LEPR: variants seen among roughly 807,000 people sequenced by gnomAD.
The protein encoded by LEPR is OB receptor.
LEPR carries 56 observed loss-of-function variants against 114.7 expected under a neutral mutation model. That is an observed-to-expected ratio of 0.49 (90% CI 0.39 to 0.61). LEPR has a LOEUF of 0.61. Ranked by LOEUF, LEPR falls within the 20% of genes least tolerant of loss-of-function variation. The pLI, the probability that LEPR is intolerant of heterozygous loss-of-function variation, is 0.00. For missense variants in LEPR, 1,202 were observed against 1,352.9 expected (o/e 0.89, Z 1.75); for synonymous variants, 443 against 461.4 (o/e 0.96, Z 0.51).
At chr1:65,544,416 A>G (rs1651487591) in intron 2 of LEPR, among the ~76,000 whole-genome samples, 1 of 151,946 alleles carries the variant, frequency 6.6e-6, no homozygotes, top group African/African-American at 2.4e-5. Flanking sequence ...CTCTCTTCCT[A>G]TTTGAATACC....
rs761971251 is a variant in LEPR, at chr1:65,610,196, C to T, written c.1913-18C>T. ...AAGTATTTCTTCAAAAACATATACA[C>T]AACTTGTCATTTTGCAGTTCCTATG... On this transcript the variant is annotated intron_variant, in intron 13 of 19. Transcript: ENST00000349533. 2.5e-6 allele frequency: 4 copies of T among 1,613,964 alleles called. No individual in the cohort carries two copies. The highest frequency in any genetic ancestry group is 3.4e-6 in the Non-Finnish European group (4 of 1,179,900).
rs1165679914 is a variant in LEPR at position 65,488,226 on chromosome 1, C to CTTTCTTTCTTTCTT, written c.-21+62849_-21+62850insTTCTTTCTTTCTTT. 2.2e-3 allele frequency among the ~76,000 whole-genome samples: 146 copies of CTTTCTTTCTTTCTT among 67,866 alleles called. 3 individuals are homozygous for CTTTCTTTCTTTCTT. The highest frequency in any genetic ancestry group is 2.3e-3 in the South Asian group (4 of 1,742). 44.5% of individuals were successfully genotyped at this position (67,866 alleles called of 152,430 possible). A position where few individuals can be genotyped will look rare whatever the true frequency, so the allele number is the denominator to read the frequency against. On this transcript the variant is annotated intron_variant, in intron 2 of 19. Coordinates refer to ENST00000349533, the MANE Select transcript of LEPR (RefSeq NM_002303.6). ...TTTCTTTCTTTCTCTCTCTCTCTCT[C>CTTTCTTTCTTTCTT]TCTTTCTTTCTTTCTTTCTTTCTTT... is the stretch of plus-strand genomic sequence containing the variant.
intron 2 of LEPR, among the ~76,000 whole-genome samples, chr1:65,487,815 A>G (rs1647572207): frequency 6.6e-6 from 1 of 152,056 alleles, no homozygotes; most frequent in African/African-American, 2.4e-5. Context: ...TAATTGGGGT[A>G]TGCATCACTT....
chr1:65,540,166 C>T (rs1167836917), intron 2 of LEPR, among the ~76,000 whole-genome samples: 1 of 152,150 alleles, frequency 6.6e-6, no homozygotes, highest in South Asian at 2.1e-4. Context: ...AGCCCCACCT[C>T]ACCCTCCTGC....
At chr1:65,602,667 A>G (rs945456999) in intron 10 of LEPR, among the ~76,000 whole-genome samples, 5 of 152,040 alleles carry the variant, frequency 3.3e-5, no homozygotes, top group Non-Finnish European at 1.5e-5. Flanking sequence ...CCCAATTTAT[A>G]TTTTTATTTG....
In LEPR at chr1:65,638,939, A is replaced by G. The variant is rs574038590; in HGVS notation, c.*1924A>G. On this transcript the variant is annotated 3_prime_UTR_variant, in exon 20 of 20. Coordinates refer to ENST00000349533, the MANE Select transcript of LEPR (RefSeq NM_002303.6). ...TTACATGTATAAAAATTTTAGTAAA[A>G]TTGACATTTTAAATACATGCTTATA... 1.8e-4 allele frequency: 27 copies of G among 152,326 alleles called. No individual in the cohort carries two copies. Among genetic ancestry groups the G allele is most frequent in the African/African-American group, 6.0e-4 (25 of 41,578 alleles). The allele number at this position is 152,326 out of a possible 1,614,324, so 9.4% of individuals were successfully genotyped here. A position where few individuals can be genotyped will look rare whatever the true frequency, so the allele number is the denominator to read the frequency against.
intron 2 of LEPR, among the ~76,000 whole-genome samples, chr1:65,518,757 G>A (rs1340357801): frequency 6.6e-6 from 1 of 152,074 alleles, no homozygotes; most frequent in Non-Finnish European, 1.5e-5. Flanking sequence ...CTATCACTAT[G>A]TAACAAGTAT....
chr1:65,420,746 T>C lies in LEPR; in HGVS notation c.-97+6T>C, dbSNP rs1333906561. ...AGACATGGCGGGCGTTAAAGGTACA[T>C]CGCGGTCCCCGGCTCGCTTGTCGTG... On this transcript the variant is annotated splice_donor_region_variant and intron_variant, in intron 1 of 19. Coordinates refer to ENST00000349533, the MANE Select transcript of LEPR (RefSeq NM_002303.6). 3.2e-6 allele frequency: 5 copies of C among 1,581,196 alleles called. No homozygotes were observed. Among genetic ancestry groups the C allele is most frequent in the Non-Finnish European group, 3.4e-6 (4 of 1,165,898 alleles).
At chr1:65,459,709 A>G (rs974978788) in intron 2 of LEPR, among the ~76,000 whole-genome samples, 2 of 152,242 alleles carry the variant, frequency 1.3e-5, no homozygotes, top group Admixed American at 6.5e-5. Context: ...AGAACTGCCC[A>G]TTACACATAG....
intron 2 of LEPR, among the ~76,000 whole-genome samples, chr1:65,437,199 G>A (rs999456976): frequency 6.6e-6 from 1 of 152,108 alleles, no homozygotes; most frequent in Non-Finnish European, 1.5e-5. Context: ...TCTTAGGCTT[G>A]ATTTATTCAA....
intron 5 of LEPR, among the ~76,000 whole-genome samples, chr1:65,573,491 A>G (rs939331912): frequency 6.6e-6 from 1 of 152,220 alleles, no homozygotes; most frequent in African/African-American, 2.4e-5. Flanking sequence ...GAGAACAAAG[A>G]TATTGTTTTC....
At chr1:65,508,064 G>C (rs572535976) in intron 2 of LEPR, among the ~76,000 whole-genome samples, 1 of 152,220 alleles carries the variant, frequency 6.6e-6, no homozygotes, top group South Asian at 2.1e-4. Flanking sequence ...TGAGTAGTTT[G>C]AGTTTCTTGT....
At chr1:65,549,840 G>T (rs1196052916) in intron 2 of LEPR, among the ~76,000 whole-genome samples, 1 of 152,190 alleles carries the variant, frequency 6.6e-6, no homozygotes, top group Non-Finnish European at 1.5e-5. Flanking sequence ...ATCCAGCTTT[G>T]TTCTGTTGCT....
chr1:65,432,959 A>T, intron 2 of LEPR: 3 of 985,128 alleles, frequency 3.0e-6, no homozygotes, highest in Non-Finnish European at 3.6e-6. Flanking sequence ...AAAACAAAAC[A>T]TACTCTCTCC....
At chr1:65,489,137 G>C (rs1647733752) in intron 2 of LEPR, among the ~76,000 whole-genome samples, 1 of 152,098 alleles carries the variant, frequency 6.6e-6, no homozygotes, top group Non-Finnish European at 1.5e-5. Flanking sequence ...TATTTACCTA[G>C]CAGTAGGATT....
intron 5 of LEPR, among the ~76,000 whole-genome samples, chr1:65,575,262 C>CTTAAGTGGCTGAGTCACTT (rs1654503988): frequency 2.0e-5 from 3 of 147,634 alleles, no homozygotes; most frequent in African/African-American, 8.1e-5. Context: ...TTGCAGAGTT[C>CTTAAGTGGCTGAGTCACTT]CAGCCCCAGC....
intron 2 of LEPR, among the ~76,000 whole-genome samples, chr1:65,512,808 C>T (rs1649097654): frequency 6.6e-6 from 1 of 152,154 alleles, no homozygotes; most frequent in African/African-American, 2.4e-5. Flanking sequence ...GAGTTTCTAT[C>T]ATCTAGTAAA....
intron 2 of LEPR, among the ~76,000 whole-genome samples, chr1:65,426,815 G>A (rs532696225): frequency 6.6e-6 from 1 of 152,182 alleles, no homozygotes; most frequent in East Asian, 1.9e-4. Context: ...TAGGCAACAT[G>A]GTGAAACCCC....
intron 5 of LEPR, among the ~76,000 whole-genome samples, chr1:65,591,596 A>G (rs2100892652): frequency 6.6e-6 from 1 of 152,184 alleles, no homozygotes; most frequent in African/African-American, 2.4e-5. Flanking sequence ...CCCATGGAAT[A>G]TTCACTGCTT....
Sources: allele counts gnomAD v4.1 joint callset (sites outside exome capture counted in the v4.1 genomes callset), GRCh38; gene constraint gnomAD v4.1.1; transcripts MANE v1.5; gene names NCBI Gene and HGNC (gene_info 2026-07-23, HGNC 2026-07-21).